ECHS1: variants seen among roughly 807,000 people sequenced by gnomAD.
ECHS1 encodes the protein enoyl-CoA hydratase, short chain 1.
A neutral mutation model predicts 33.5 loss-of-function variants in ECHS1; 19 were observed. That is an observed-to-expected ratio of 0.57 (90% confidence interval 0.40 to 0.83). The LOEUF (loss-of-function observed/expected upper bound fraction) is 0.83, where lower values mean the gene tolerates loss of function less well. Among genes scored for constraint, ECHS1 ranks in the 40% least tolerant of loss-of-function variants. The probability of loss-of-function intolerance (pLI) is 0.00; values close to 1 mark genes in which losing one functional copy is unlikely to be tolerated. For synonymous variants in ECHS1, 158 were observed against 146.6 expected (o/e 1.08, Z -0.56); for missense variants, 365 against 381.3 (o/e 0.96, Z 0.36).
intron 6 of ECHS1, among the ~76,000 whole-genome samples, 198 bp from the exon 7 acceptor site, chr10:133,364,923 A>G (rs1463290293): frequency 1.3e-5 from 2 of 152,182 alleles, no homozygotes; most frequent in East Asian, 3.9e-4. Flanking sequence ...CAGCTCTGCT[A>G]TGGCCCCCAA....
chr10:133,362,801 G>T lies in ECHS1; in HGVS notation c.*67C>A. 1 of 1,528,608 alleles carries T rather than the reference G, an allele frequency of 6.5e-7. No individual in the cohort carries two copies. Among genetic ancestry groups the T allele is most frequent in the Non-Finnish European group, 9.1e-7 (1 of 1,102,196 alleles). The allele number at this position is 1,528,608 out of a possible 1,614,324, so 94.7% of individuals were successfully genotyped here. ...CTCTTGAAAAGAGGATGATTTACTT[G>T]CTTCTAAAACTGACAGGCTGCACTT... On this transcript the variant is annotated 3_prime_UTR_variant, in exon 8 of 8. Transcript: ENST00000368547.
In ECHS1 at chr10:133,373,316, G is replaced by A. The variant is rs1849143807; in HGVS notation, c.18C>T (p.Val6=). The change falls in exon 1 of 8, where the codon GTC becomes GTT. Residue 6 remains valine (V), a synonymous_variant. Coordinates refer to ENST00000368547, the MANE Select transcript of ECHS1 (RefSeq NM_004092.4). ...GCGGGCCGCGGACGCAGGACAGCAG[G>A]ACACGCAGGGCGGCCATGGCTCTCT... MAALR[V]LLSCVRGPLR... 1.3e-5 allele frequency: 19 copies of A among 1,503,776 alleles called. No individual in the cohort carries two copies. The highest frequency in any genetic ancestry group is 1.4e-5 in the African/African-American group (1 of 69,370). 93.2% of individuals were successfully genotyped at this position (1,503,776 alleles called of 1,614,324 possible).
At chr10:133,363,453 CG>C (rs1414210614) in intron 7 of ECHS1, among the ~76,000 whole-genome samples, 1 of 152,076 alleles carries the variant, frequency 6.6e-6, no homozygotes, top group African/African-American at 2.4e-5. Context: ...ATTAAAACAC[CG>C]AAGTATGACT....
intron 6 of ECHS1, among the ~76,000 whole-genome samples, chr10:133,365,509 C>T (rs943987243): frequency 6.6e-6 from 1 of 152,224 alleles, no homozygotes; most frequent in African/African-American, 2.4e-5. Context: ...AGGTTCAGAT[C>T]CACTTCCCTG....
At chr10:133,371,147 G>A (rs1277111823) in intron 1 of ECHS1, among the ~76,000 whole-genome samples, 6 of 151,932 alleles carry the variant, frequency 3.9e-5, no homozygotes, top group African/African-American at 1.4e-4. Context: ...TGTTGTGGCG[G>A]GCGCCTGTAG....
intron 1 of ECHS1, chr10:133,371,688 G>A (rs1254823738): frequency 6.5e-6 from 1 of 154,664 alleles, no homozygotes; most frequent in Non-Finnish European, 1.5e-5. Flanking sequence ...GGAGACAAAG[G>A]ACAATGGCGT....
In ECHS1 at chr10:133,369,007, C is replaced by G; in HGVS notation, c.430G>C (p.Glu144Gln). 5 of 1,613,650 alleles carry G rather than the reference C, an allele frequency of 3.1e-6. No individual in the cohort carries two copies. The highest frequency in any genetic ancestry group is 4.2e-6 in the Non-Finnish European group (5 of 1,179,948). Residue 144 changes from glutamate to glutamine, a missense_variant, in exon 4 of 8, where the codon GAG becomes CAG. Physicochemically the swap from Glu to Gln is conservative, Grantham distance 29. Transcript: ENST00000368547. ...VNGYAFGGGCELAMMCDIIYA... is the reference protein window; with the variant it reads ...VNGYAFGGGCQLAMMCDIIYA... Reference sequence around the variant, plus strand: ...ATGATATCACACATCATGGCAAGCTCACAGCCCCCGCCAAACTGTAAAACA... The same window carrying G: ...ATGATATCACACATCATGGCAAGCTGACAGCCCCCGCCAAACTGTAAAACA...
intron 1 of ECHS1, among the ~76,000 whole-genome samples, chr10:133,371,963 A>AT (rs1196099935): frequency 2.0e-5 from 3 of 151,968 alleles, no homozygotes; most frequent in African/African-American, 7.3e-5. Context: ...CACCTGGCTA[A>AT]TTTTTGTATT....
rs1168253312 is a variant in ECHS1 at position 133,370,591 on chromosome 10, A to G, written c.255T>C (p.Ile85=). ...TFEEDPAVGA[I]VLTGGDKAFA... ...AGGCCTTATCCCCGCCGGTGAGGAC[A>G]ATGGCCCCCACGGCCGGGTCCTCCT... is the stretch of plus-strand genomic sequence containing the variant. The change falls in exon 2 of 8, where the codon ATT becomes ATC. Residue 85 remains isoleucine, a synonymous_variant. Coordinates refer to ENST00000368547, the MANE Select transcript of ECHS1 (RefSeq NM_004092.4). 3 of 1,607,340 alleles carry G rather than the reference A, an allele frequency of 1.9e-6. No individual in the cohort carries two copies. The highest frequency in any genetic ancestry group is 2.2e-5 in the East Asian group (1 of 44,780).
At chr10:133,369,065 C>T (rs369982434) in intron 3 of ECHS1, 43 bp from the exon 4 acceptor site, 3 of 1,583,036 alleles carry the variant, frequency 1.9e-6, no homozygotes, top group Non-Finnish European at 2.6e-6. Flanking sequence ...CAGGGGAACC[C>T]AGTCAGAAAT....
intron 5 of ECHS1, among the ~76,000 whole-genome samples, chr10:133,366,641 G>A (rs1042622154): frequency 6.6e-6 from 1 of 151,414 alleles, no homozygotes; most frequent in Non-Finnish European, 1.5e-5. Context: ...ATGCCGCCCT[G>A]GGTTTCTGTG....
rs1284776896 is a variant in ECHS1, at chr10:133,362,931, A to G, written c.810T>C (p.Asp270=). The G allele has an allele frequency of 1.9e-6, 3 of 1,613,998 alleles. No homozygotes were observed. The highest frequency in any genetic ancestry group is 2.7e-5 in the African/African-American group (2 of 74,934). The part of the protein sequence containing the change: ...KKLFYSTFAT[D]DRKEGMTAFV... ...ACGCGGTCATCCCTTCTTTCCGGTC[A>G]TCCTGGCAGGAAAAGGAACAGAAAC... Residue 270 remains aspartate, a splice_region_variant and synonymous_variant, in exon 8 of 8, where the codon GAT becomes GAC. Transcript: ENST00000368547.
In ECHS1 at chr10:133,369,038, C is replaced by T; in HGVS notation, c.415-16G>A. ...CCCCGCCAAACTGTAAAACATTCGG[C>T]ATCAGGAGAGTCTTACCAGGGGAAC... On this transcript the variant is annotated splice_polypyrimidine_tract_variant and intron_variant, in intron 3 of 7. Coordinates refer to ENST00000368547, the MANE Select transcript of ECHS1 (RefSeq NM_004092.4). The T allele has an allele frequency of 6.2e-7, 1 of 1,612,188 alleles. No homozygotes were observed. The highest frequency in any genetic ancestry group is 8.5e-7 in the Non-Finnish European group (1 of 1,178,940).
chr10:133,362,758 T>G lies in ECHS1; in HGVS notation c.*110A>C. On this transcript the variant is annotated 3_prime_UTR_variant, in exon 8 of 8. Coordinates refer to ENST00000368547, the MANE Select transcript of ECHS1 (RefSeq NM_004092.4). ...GACCACGCAGCAATTGGAGAGGAAC[T>G]GCACACCACGGACACTGCTCTTGAA... 2 of 1,273,338 alleles carry G rather than the reference T, an allele frequency of 1.6e-6. No individual in the cohort carries two copies. Among genetic ancestry groups the G allele is most frequent in the Non-Finnish European group, 2.3e-6 (2 of 873,636 alleles). 78.9% of individuals were successfully genotyped at this position (1,273,338 alleles called of 1,614,324 possible).
rs867868717 is a variant in ECHS1, at chr10:133,362,527, C to T, written c.*341G>A. ...ACTTTAATCAGCATCTGTATGAAGG[C>T]AGCAGACAGCGTTTCCCTCAGAGCA... On this transcript the variant is annotated 3_prime_UTR_variant, in exon 8 of 8. Coordinates refer to ENST00000368547, the MANE Select transcript of ECHS1 (RefSeq NM_004092.4). 22 of 375,526 alleles carry T rather than the reference C, an allele frequency of 5.9e-5. No individual in the cohort carries two copies. In the Middle Eastern group the frequency reaches 3.1e-3, roughly 53 times the overall value. The allele number at this position is 375,526 out of a possible 1,614,324, so 23.3% of individuals were successfully genotyped here. A position where few individuals can be genotyped will look rare whatever the true frequency, so the allele number is the denominator to read the frequency against.
intron 1 of ECHS1, 27 bp from the exon 2 acceptor site, chr10:133,370,784 T>A (rs1325463433): frequency 6.9e-6 from 11 of 1,596,310 alleles, no homozygotes; most frequent in Non-Finnish European, 8.5e-6. Context: ...AAAAGGGGTA[T>A]CTATTCACAC....
intron 1 of ECHS1, among the ~76,000 whole-genome samples, chr10:133,372,773 C>CG (rs1849126547): frequency 2.2e-5 from 1 of 45,842 alleles, no homozygotes; most frequent in Non-Finnish European, 4.4e-5. Flanking sequence ...GCTGTGGGTG[C>CG]GGGTCAGGTG....
At chr10:133,370,322 A>G (rs536386483) in intron 2 of ECHS1, among the ~76,000 whole-genome samples, 24 of 152,370 alleles carry the variant, frequency 1.6e-4, no homozygotes, top group African/African-American at 5.8e-4. Context: ...CCTGACTGCC[A>G]AGGACCTAAA....
rs146397710 is a variant in ECHS1, at chr10:133,371,015, C to T, written c.89-258G>A. On this transcript the variant is annotated intron_variant, in intron 1 of 7. Coordinates refer to ENST00000368547, the MANE Select transcript of ECHS1 (RefSeq NM_004092.4). ...TCCCCGGGCCGGGCGCGGTGGCTCA[C>T]GCCTGTAATCCCAGCAATTTGGGAG... 2.5e-4 allele frequency among the ~76,000 whole-genome samples: 38 copies of T among 152,360 alleles called. No homozygotes were observed. In the East Asian group the frequency reaches 4.8e-3, roughly 19 times the overall value.
Sources: allele counts gnomAD v4.1 joint callset (sites outside exome capture counted in the v4.1 genomes callset), GRCh38; gene constraint gnomAD v4.1.1; transcripts MANE v1.5; gene names NCBI Gene and HGNC (gene_info 2026-07-23, HGNC 2026-07-21).